The following AUTS2 variants were observed in gnomAD, a reference collection of about 807,000 sequenced individuals.
The protein encoded by AUTS2 is autism susceptibility gene 2 protein.
AUTS2 carries 17 observed loss-of-function variants against 112.4 expected under a neutral mutation model. The ratio of observed to expected loss-of-function variants is 0.15; its 90% CI spans 0.10 to 0.23. AUTS2 has a LOEUF of 0.23. AUTS2 is among the 10% of genes least tolerant of loss of function. The pLI is 1.00. For missense variants in AUTS2, 1,510 were observed against 1,701.6 expected (o/e 0.89, Z 1.98); for synonymous variants, 751 against 702.7 (o/e 1.07, Z -1.09).
chr7:69,859,263 A>G (rs1474302340), intron 1 of AUTS2, among the ~76,000 whole-genome samples: 1 of 152,238 alleles, frequency 6.6e-6, no homozygotes, highest in Non-Finnish European at 1.5e-5. Context: ...GATTGTTTCA[A>G]AAGAAAAAGA....
At chr7:70,589,685 G>C (rs564341346) in intron 5 of AUTS2, among the ~76,000 whole-genome samples, 1 of 152,324 alleles carries the variant, frequency 6.6e-6, no homozygotes, top group African/African-American at 2.4e-5. Flanking sequence ...CTGCACTCTA[G>C]CCTGGGTGAT....
chr7:70,303,430 G>GCACACA lies in AUTS2; in HGVS notation c.661-132321_661-132320insACACAC, dbSNP rs1171296742. Among the ~76,000 whole-genome samples, 528 of 109,934 alleles carry GCACACA rather than the reference G, an allele frequency of 4.8e-3. 3 individuals carry two copies. Among genetic ancestry groups the GCACACA allele is most frequent in the African/African-American group, 0.018 (504 of 27,548 alleles). 72.1% of individuals were successfully genotyped at this position (109,934 alleles called of 152,430 possible). ...TGTGCACGCACACACACACGCGCGC[G>GCACACA]CGCGCACATACACACACACACACAC... On this transcript the variant is annotated intron_variant, in intron 4 of 18. Transcript: ENST00000342771.
intron 1 of AUTS2, among the ~76,000 whole-genome samples, chr7:69,817,196 G>C (rs549720854): frequency 2.0e-5 from 3 of 152,336 alleles, no homozygotes; most frequent in Admixed American, 6.5e-5. Context: ...GAAAATAGAA[G>C]ACTGACAATT....
intron 1 of AUTS2, among the ~76,000 whole-genome samples, chr7:69,738,758 G>T (rs550829734): frequency 1.3e-5 from 2 of 152,226 alleles, no homozygotes; most frequent in East Asian, 3.9e-4. Context: ...ATGACTTAAA[G>T]CAGCTTCCCT....
chr7:69,752,771 CT>C (rs1787794915), intron 1 of AUTS2, among the ~76,000 whole-genome samples: 1 of 152,150 alleles, frequency 6.6e-6, no homozygotes, highest in South Asian at 2.1e-4. Flanking sequence ...GGAAGGCATT[CT>C]TTTTCAATGG....
chr7:70,378,586 C>G (rs189638129), intron 4 of AUTS2, among the ~76,000 whole-genome samples: 7 of 152,310 alleles, frequency 4.6e-5, no homozygotes, highest in African/African-American at 1.4e-4. Flanking sequence ...GGTTGAGAAA[C>G]TTGCTTAAGT....
At chr7:69,820,936 T>G (rs1199441555) in intron 1 of AUTS2, among the ~76,000 whole-genome samples, 2 of 152,206 alleles carry the variant, frequency 1.3e-5, no homozygotes, top group South Asian at 2.1e-4. Context: ...AGTTCATCTC[T>G]TTTATTACCT....
chr7:69,667,739 C>T (rs181712169), intron 1 of AUTS2, among the ~76,000 whole-genome samples: 80 of 152,224 alleles, frequency 5.3e-4, no homozygotes, highest in African/African-American at 1.8e-3. Flanking sequence ...TATTTTATTA[C>T]CTTTCTGAAT....
At chr7:70,528,567 T>G (rs577245882) in intron 5 of AUTS2, among the ~76,000 whole-genome samples, 1 of 152,188 alleles carries the variant, frequency 6.6e-6, no homozygotes, top group Admixed American at 6.6e-5. Flanking sequence ...AAAATAAGTT[T>G]CTAATTCGGA....
chr7:70,231,574 C>T (rs923880306), intron 4 of AUTS2, among the ~76,000 whole-genome samples: 3 of 151,548 alleles, frequency 2.0e-5, no homozygotes, highest in Non-Finnish European at 4.4e-5. Context: ...TCCCGAGTAG[C>T]TGGGACTACA....
chr7:69,667,361 T>G (rs1796105482), intron 1 of AUTS2, among the ~76,000 whole-genome samples: 1 of 150,726 alleles, frequency 6.6e-6, no homozygotes, highest in African/African-American at 2.4e-5. Flanking sequence ...TTTTTTTTTT[T>G]TTTTTTTTTT....
chr7:70,026,254 C>G (rs558784705), intron 2 of AUTS2, among the ~76,000 whole-genome samples: 2 of 152,342 alleles, frequency 1.3e-5, no homozygotes, highest in South Asian at 2.1e-4. Flanking sequence ...TCTAATAATA[C>G]TCTTTACCTT....
rs1161825217 is a variant in AUTS2, at chr7:69,996,946, TA to T, written c.522+97466del. 9.8e-3 allele frequency among the ~76,000 whole-genome samples: 966 copies of T among 99,004 alleles called. 11 individuals carry two copies. Among genetic ancestry groups the T allele is most frequent in the Middle Eastern group, 0.028 (5 of 176 alleles). 65.0% of individuals were successfully genotyped at this position (99,004 alleles called of 152,430 possible). On this transcript the variant is annotated intron_variant, in intron 2 of 18. Transcript: ENST00000342771. The stretch of plus-strand genomic sequence containing the variant: ...CTTTTTCGAAATAACCTGGAACACT[TA>T]AAAAAAAAAAAAAAAAAGCAAACTC...
At chr7:69,999,700 T>C (rs1435858771) in intron 2 of AUTS2, among the ~76,000 whole-genome samples, 2 of 152,108 alleles carry the variant, frequency 1.3e-5, no homozygotes, top group Non-Finnish European at 2.9e-5. Flanking sequence ...AAAAGGAACC[T>C]AATGAAAATA....
chr7:69,729,950 T>C (rs1786707131), intron 1 of AUTS2, among the ~76,000 whole-genome samples: 1 of 151,496 alleles, frequency 6.6e-6, no homozygotes, highest in Admixed American at 6.6e-5. Flanking sequence ...TGGGTTCAAA[T>C]TTTTTTCTTA....
At chr7:70,558,192 C>T (rs912767528) in intron 5 of AUTS2, among the ~76,000 whole-genome samples, 7 of 152,244 alleles carry the variant, frequency 4.6e-5, no homozygotes, top group Admixed American at 3.9e-4. Context: ...AGTGCTGTTC[C>T]CGAAGCCCAG....
At chr7:70,037,345 G>A (rs1430219637) in intron 2 of AUTS2, among the ~76,000 whole-genome samples, 2 of 152,160 alleles carry the variant, frequency 1.3e-5, no homozygotes, top group African/African-American at 4.8e-5. Context: ...GAATCACAAT[G>A]TACTGTATTC....
At chr7:70,476,970 C>G (rs1255987976) in intron 5 of AUTS2, among the ~76,000 whole-genome samples, 2 of 152,224 alleles carry the variant, frequency 1.3e-5, no homozygotes, top group Non-Finnish European at 2.9e-5. Context: ...TAGCCTCTCC[C>G]TTCTGTCAGT....
chr7:70,750,351 T>G (rs1219519690), intron 6 of AUTS2, among the ~76,000 whole-genome samples: 2 of 144,910 alleles, frequency 1.4e-5, no homozygotes, highest in East Asian at 2.1e-4. Context: ...TTAAACAGGG[T>G]CTCACTCTGT....
Sources: gnomAD v4.1 joint callset for allele counts (sites outside exome capture counted in the v4.1 genomes callset) on GRCh38, gnomAD v4.1.1 for gene constraint, MANE v1.5 for transcripts, NCBI Gene and HGNC (gene_info 2026-07-23, HGNC 2026-07-21) for gene names.